Variants in NFS1 observed in about 807,000 individuals in gnomAD.
NFS1 encodes the protein NFS1 cysteine desulfurase, also known as cysteine desulfurase.
In NFS1, 26 loss-of-function variants were observed where a neutral mutation model predicts 57.3. The observed-to-expected ratio is 0.45, with a 90% CI of 0.33 to 0.63. The LOEUF is 0.63. NFS1 is among the 20% of genes least tolerant of loss of function. The pLI, the probability that NFS1 is intolerant of heterozygous loss-of-function variation, is 0.02. For missense variants in NFS1, 505 were observed against 605.8 expected, an observed-to-expected ratio of 0.83 and a Z score of 1.75; for synonymous variants, 209 against 216.3, an observed-to-expected ratio of 0.97 and a Z score of 0.30.
chr20:35,682,345 G>A (rs1048844476), intron 5 of NFS1, among the ~76,000 whole-genome samples: 3 of 152,136 alleles, frequency 2.0e-5, no homozygotes, highest in African/African-American at 4.8e-5. Context: ...AACTTTATTC[G>A]TAATACCAAA....
intron 4 of NFS1, among the ~76,000 whole-genome samples, chr20:35,696,099 T>C (rs939540105): frequency 2.6e-5 from 4 of 150,996 alleles, no homozygotes; most frequent in Non-Finnish European, 5.9e-5. Flanking sequence ...CTGAAGTAAC[T>C]GCCAGACAAA....
intron 10 of NFS1, 196 bp from the exon 11 acceptor site, chr20:35,673,880 C>G (rs772071920): frequency 2.9e-5 from 15 of 522,174 alleles, no homozygotes; most frequent in African/African-American, 5.8e-5. Context: ...GCTCCTCTGG[C>G]CCCCATGGTG....
chr20:35,679,259 C>T (rs1375228426), intron 7 of NFS1, among the ~76,000 whole-genome samples: 1 of 151,978 alleles, frequency 6.6e-6, no homozygotes, highest in Non-Finnish European at 1.5e-5. Context: ...TCTCGGCTCA[C>T]TGCAACCTCT....
At chr20:35,684,642 T>C (rs1482883954) in intron 5 of NFS1, among the ~76,000 whole-genome samples, 1 of 146,070 alleles carries the variant, frequency 6.8e-6, no homozygotes, top group African/African-American at 2.6e-5. Context: ...CCAAGCTACT[T>C]AGGAGGCTGA....
In NFS1 at chr20:35,690,265, T is replaced by A; in HGVS notation, c.561+148A>T. ...CAGTACACACTCAAGGGGAACATGATCTCGTTCTCTGCCAGGCTTATTTCT... is the reference window on the plus strand; with the variant it reads ...CAGTACACACTCAAGGGGAACATGAACTCGTTCTCTGCCAGGCTTATTTCT... On this transcript the variant is annotated intron_variant, in intron 5 of 12. Transcript: ENST00000374092. The A allele has an allele frequency of 1.0e-5, 8 of 762,120 alleles. No individual in the cohort carries two copies. The South Asian group carries it at 1.4e-4, about 13-fold the overall frequency. The allele number at this position is 762,120 out of a possible 1,614,324, so 47.2% of individuals were successfully genotyped here.
intron 6 of NFS1, 36 bp downstream of exon 6, chr20:35,681,851 TG>T: frequency 1.7e-6 from 2 of 1,194,200 alleles, no homozygotes; most frequent in Non-Finnish European, 2.5e-6. Context: ...CAGAGCCCCA[TG>T]GTGGGCAGGG....
rs765805204 is a variant in NFS1, at chr20:35,673,669, T to C, written c.1152A>G (p.Ala384=). 3.7e-5 allele frequency: 60 copies of C among 1,613,736 alleles called. No homozygotes were observed. The highest frequency in any genetic ancestry group is 4.7e-5 in the Non-Finnish European group (55 of 1,179,868). ...ALSSGSACTS[A]SLEPSYVLRA... is the part of the protein sequence containing the mutation. ...TAAGCACATAAGAGGGCTCCAGGGATGCAGAGGTGCAGGCACTGAGGAGAG... is the reference window on the plus strand; with the variant it reads ...TAAGCACATAAGAGGGCTCCAGGGACGCAGAGGTGCAGGCACTGAGGAGAG... The change falls in exon 11 of 13, where the codon GCA becomes GCG. Residue 384 remains alanine, a synonymous_variant. Transcript: ENST00000374092.
Position 35,674,584 on chromosome 20 carries a change from G to T in NFS1, c.982C>A (p.Arg328=), listed in dbSNP as rs779420232. The change falls in exon 9 of 13, where the codon CGG becomes AGG. Residue 328 remains arginine, a synonymous_variant. Coordinates refer to ENST00000374092, the MANE Select transcript of NFS1 (RefSeq NM_021100.5). Reference sequence around the variant, plus strand: ...CTCTTCATTATATTCTGTATCAGCCGCTCTGACAACTTTGAGATTCGCTTG... The same window carrying T: ...CTCTTCATTATATTCTGTATCAGCCTCTCTGACAACTTTGAGATTCGCTTG... ...DHKRISKLSE[R]LIQNIMKSLP... is the part of the protein sequence containing the mutation. The T allele has an allele frequency of 1.2e-6, 2 of 1,614,110 alleles. No homozygotes were observed. Among genetic ancestry groups the T allele is most frequent in the South Asian group, 2.2e-5 (2 of 91,086 alleles).
At chr20:35,696,335 G>C (rs748533712) in intron 4 of NFS1, 42 bp downstream of exon 4, 2 of 1,351,250 alleles carry the variant, frequency 1.5e-6, no homozygotes, top group Middle Eastern at 1.8e-4. Context: ...TATCTCCTAG[G>C]TCAGGAAAGC....
chr20:35,675,355 G>A, intron 7 of NFS1, 153 bp from the exon 8 acceptor site: 1 of 747,602 alleles, frequency 1.3e-6, no homozygotes, highest in Non-Finnish European at 2.2e-6. Context: ...AGAAACAGCA[G>A]TAAAAGCATA....
chr20:35,692,399 T>TAAA, intron 4 of NFS1: 7 of 154,218 alleles, frequency 4.5e-5, no homozygotes, highest in East Asian at 1.9e-4. Context: ...ATTAATTAAT[T>TAAA]AAAAAAAAAA....
intron 10 of NFS1, chr20:35,673,957 G>A: frequency 2.2e-6 from 1 of 452,320 alleles, no homozygotes; most frequent in South Asian, 2.4e-5. Context: ...GGTTTGACAA[G>A]AAGACGCAGC....
intron 4 of NFS1, 106 bp from the exon 5 acceptor site, chr20:35,690,671 A>G (rs2035026979): frequency 9.3e-7 from 1 of 1,080,902 alleles, no homozygotes. Context: ...ATGCTCCAAC[A>G]CCAGTTCTCT....
Position 35,697,772 on chromosome 20 carries a change from G to A in NFS1, c.236C>T (p.Pro79Leu). The change falls in exon 3 of 13, where the codon CCT becomes CTT. Residue 79 changes from proline to leucine, a missense_variant. Physicochemically the swap from Pro to Leu is moderately conservative, Grantham distance 98. Transcript: ENST00000374092. ...GTTCCCATAGTAGTTGATTAGGTAA[G>A]GGAGCATGGCATCAAGCACCCGGGG... ...LDPRVLDAMLPYLINYYGNPH... is the reference protein window; with the variant it reads ...LDPRVLDAMLLYLINYYGNPH... The A allele has an allele frequency of 1.2e-6, 2 of 1,613,750 alleles. No homozygotes were observed. The highest frequency in any genetic ancestry group is 1.7e-6 in the Non-Finnish European group (2 of 1,179,878).
At chr20:35,676,452 G>A (rs931204806) in intron 7 of NFS1, among the ~76,000 whole-genome samples, 7 of 151,618 alleles carry the variant, frequency 4.6e-5, no homozygotes, top group Non-Finnish European at 7.4e-5. Context: ...TGGGCGTGGT[G>A]GCACGCACCT....
Position 35,699,055 on chromosome 20 carries a change from T to G in NFS1, c.97+137A>C. The G allele has an allele frequency of 7.6e-7, 1 of 1,317,948 alleles. No individual in the cohort carries two copies. The highest frequency in any genetic ancestry group is 9.7e-7 in the Non-Finnish European group (1 of 1,036,034). The allele number at this position is 1,317,948 out of a possible 1,614,324, so 81.6% of individuals were successfully genotyped here. A position where few individuals can be genotyped will look rare whatever the true frequency, so the allele number is the denominator to read the frequency against. On this transcript the variant is annotated intron_variant, in intron 1 of 12. Transcript: ENST00000374092. This position sits in a 1 kb window ranked among gnomAD's most constrained non-coding sequence, Gnocchi z 4.4. ...CGTTCGGGGACCCGCCTAAGAAAGT[T>G]TGAGGGATGTGTCATTTGAGAGAAG...
chr20:35,693,752 A>G (rs1568965761), intron 4 of NFS1, among the ~76,000 whole-genome samples: 1 of 152,176 alleles, frequency 6.6e-6, no homozygotes, highest in Non-Finnish European at 1.5e-5. Context: ...TCACAAGGTC[A>G]GGAGATCGAG....
chr20:35,687,757 G>C (rs1164599351), intron 5 of NFS1, among the ~76,000 whole-genome samples: 1 of 152,178 alleles, frequency 6.6e-6, no homozygotes, highest in African/African-American at 2.4e-5. Context: ...AGGCAACAGA[G>C]ATTAAAGTCC....
chr20:35,671,254 C>T (rs2034649186), intron 12 of NFS1, among the ~76,000 whole-genome samples: 1 of 152,178 alleles, frequency 6.6e-6, no homozygotes, highest in African/African-American at 2.4e-5. Flanking sequence ...CAGGTGCCCA[C>T]CATGCCAGGC....
Sources: gnomAD v4.1 joint callset for allele counts (sites outside exome capture counted in the v4.1 genomes callset) on GRCh38, gnomAD v4.1.1 for gene constraint, Gnocchi (gnomAD v3.1) non-coding constraint, MANE v1.5 for transcripts, NCBI Gene and HGNC (gene_info 2026-07-23, HGNC 2026-07-21) for gene names.